Variants in HIBADH observed in about 807,000 individuals in gnomAD.
HIBADH encodes the protein 3-hydroxyisobutyrate dehydrogenase, mitochondrial.
In HIBADH, 25 loss-of-function variants were observed where a neutral mutation model predicts 36.1. That is an observed-to-expected ratio of 0.69 (90% CI 0.50 to 0.97). The LOEUF (loss-of-function observed/expected upper bound fraction) is 0.97, where lower values mean the gene tolerates loss of function less well. Ranked by LOEUF, HIBADH falls within the 50% of genes least tolerant of loss-of-function variation. The pLI, the probability that HIBADH is intolerant of heterozygous loss-of-function variation, is 0.00. For missense variants in HIBADH, 421 were observed against 418.0 expected, an observed-to-expected ratio of 1.01 and a Z score of -0.06; for synonymous variants, 160 against 149.5, an observed-to-expected ratio of 1.07 and a Z score of -0.51.
chr7:27,616,860 A>G (rs995887388), intron 4 of HIBADH, among the ~76,000 whole-genome samples: 1 of 152,190 alleles, frequency 6.6e-6, no homozygotes, highest in Non-Finnish European at 1.5e-5. Flanking sequence ...TCAGGAAAAA[A>G]TATTTTTGTA....
chr7:27,607,623 C>T (rs1053216680), intron 4 of HIBADH, among the ~76,000 whole-genome samples: 5 of 152,166 alleles, frequency 3.3e-5, no homozygotes, highest in Admixed American at 6.5e-5. Flanking sequence ...AACCTCACCT[C>T]TACCCAGGAT....
chr7:27,622,496 T>C (rs1475222477), intron 4 of HIBADH, among the ~76,000 whole-genome samples: 1 of 151,958 alleles, frequency 6.6e-6, no homozygotes, highest in Non-Finnish European at 1.5e-5. Flanking sequence ...AAACAAAAAT[T>C]TGGCTCTTCA....
chr7:27,560,698 A>G (rs1784451730), intron 4 of HIBADH, among the ~76,000 whole-genome samples: 1 of 152,204 alleles, frequency 6.6e-6, no homozygotes, highest in African/African-American at 2.4e-5. Flanking sequence ...CATTACGTGC[A>G]TATACCACAT....
rs760350852 is a variant in HIBADH at position 27,531,291 on chromosome 7, A to G, written c.753T>C (p.Cys251=). The change falls in exon 7 of 8, where the codon TGT becomes TGC. Residue 251 remains cysteine, a synonymous_variant. Transcript: ENST00000265395. ...AKILNMSSGR[C]WSSDTYNPVP... is the part of the protein sequence containing the mutation. ...CAGGATTATAAGTGTCACTTGACCA[A>G]CACCGTCCTGAGCTCATATTTAGGA... The G allele has an allele frequency of 2.5e-6, 4 of 1,614,002 alleles. No homozygotes were observed. The South Asian group carries it at 4.4e-5, about 18-fold the overall frequency.
intron 4 of HIBADH, among the ~76,000 whole-genome samples, chr7:27,552,803 G>C (rs1158386802): frequency 6.6e-6 from 1 of 152,198 alleles, no homozygotes; most frequent in Non-Finnish European, 1.5e-5. Context: ...ACAAGGAAAA[G>C]CTCATGATGG....
intron 5 of HIBADH, 102 bp from the exon 6 acceptor site, chr7:27,538,519 T>C (rs931591341): frequency 1.4e-5 from 13 of 926,682 alleles, no homozygotes; most frequent in Admixed American, 1.2e-4. Context: ...CTAAAAGAAA[T>C]AACATTCAAC....
At chr7:27,547,842 C>G (rs1562617252) in intron 4 of HIBADH, among the ~76,000 whole-genome samples, 2 of 151,838 alleles carry the variant, frequency 1.3e-5, no homozygotes, top group East Asian at 1.9e-4. Context: ...TTACTTTGCA[C>G]AAAAAAATTG....
chr7:27,632,459 T>G lies in HIBADH; in HGVS notation c.253-14A>C. ...GGAAGATACTACCTTTAAAAAAAAT[T>G]GCAAAGGCACATTATTTAAATTAAA... On this transcript the variant is annotated splice_polypyrimidine_tract_variant and intron_variant, in intron 2 of 7. Transcript: ENST00000265395. The G allele has an allele frequency of 6.4e-7, 1 of 1,558,480 alleles. No individual in the cohort carries two copies. The highest frequency in any genetic ancestry group is 8.8e-7 in the Non-Finnish European group (1 of 1,130,198).
At chr7:27,635,057 A>G (rs1381509822) in intron 2 of HIBADH, among the ~76,000 whole-genome samples, 1 of 145,572 alleles carries the variant, frequency 6.9e-6, no homozygotes, top group Non-Finnish European at 1.5e-5. Flanking sequence ...AATAACACAC[A>G]CTCTCTCTCT....
chr7:27,570,044 A>G (rs2128187942), intron 4 of HIBADH, among the ~76,000 whole-genome samples: 2 of 152,348 alleles, frequency 1.3e-5, no homozygotes, highest in Middle Eastern at 6.8e-3. Context: ...GCACAGTCCT[A>G]GGATTCATGC....
At chr7:27,552,977 C>T (rs1368467409) in intron 4 of HIBADH, among the ~76,000 whole-genome samples, 1 of 152,174 alleles carries the variant, frequency 6.6e-6, no homozygotes, top group Non-Finnish European at 1.5e-5. Flanking sequence ...AAGCAAGGGA[C>T]ATGCATCTAT....
intron 1 of HIBADH, among the ~76,000 whole-genome samples, chr7:27,652,778 T>C (rs1048327883): frequency 3.3e-5 from 5 of 152,054 alleles, no homozygotes; most frequent in Non-Finnish European, 7.4e-5. Flanking sequence ...AGGAGCTCTA[T>C]CCGCATGATC....
At chr7:27,579,037 G>A (rs995574877) in intron 4 of HIBADH, among the ~76,000 whole-genome samples, 1 of 152,178 alleles carries the variant, frequency 6.6e-6, no homozygotes, top group African/African-American at 2.4e-5. Flanking sequence ...CATGGGAACT[G>A]TTTTAGATTA....
chr7:27,537,907 AT>A (rs1784090302), intron 6 of HIBADH, among the ~76,000 whole-genome samples: 1 of 152,162 alleles, frequency 6.6e-6, no homozygotes, highest in Non-Finnish European at 1.5e-5. Context: ...TTGGGGGACT[AT>A]ATTTTTAAAA....
intron 4 of HIBADH, among the ~76,000 whole-genome samples, chr7:27,593,709 AAGAGGCAATAT>A (rs539778195): frequency 3.9e-5 from 6 of 152,166 alleles, no homozygotes; most frequent in Non-Finnish European, 8.8e-5. Flanking sequence ...AACTTACAAA[AAGAGGCAATAT>A]GATTTAGGAA....
chr7:27,660,252 T>C (rs1185693011), intron 1 of HIBADH, among the ~76,000 whole-genome samples: 1 of 152,260 alleles, frequency 6.6e-6, no homozygotes, highest in Non-Finnish European at 1.5e-5. Flanking sequence ...TTTTTCTTAA[T>C]GTCATTTGAC....
Position 27,616,068 on chromosome 7 carries a change from C to G in HIBADH, c.484+13303G>C, listed in dbSNP as rs75659361. ...TACACAAGAAGCATGGCACTAGCACCAATGCATTTTCTGAGGGCCTCAGGC... is the reference window on the plus strand; with the variant it reads ...TACACAAGAAGCATGGCACTAGCACGAATGCATTTTCTGAGGGCCTCAGGC... On this transcript the variant is annotated intron_variant, in intron 4 of 7. Coordinates refer to ENST00000265395, the MANE Select transcript of HIBADH (RefSeq NM_152740.4). Among the ~76,000 whole-genome samples, 19 of 152,282 alleles carry G rather than the reference C, an allele frequency of 1.2e-4. No individual in the cohort carries two copies. In the East Asian group the frequency reaches 3.1e-3, roughly 25 times the overall value.
At chr7:27,586,317 GT>G (rs1013932917) in intron 4 of HIBADH, among the ~76,000 whole-genome samples, 111 of 145,460 alleles carry the variant, frequency 7.6e-4, no homozygotes, top group African/African-American at 2.6e-3. Context: ...AGCAACTGCA[GT>G]GTAGAGCAAT....
At chr7:27,585,240 CGT>C (rs1330198289) in intron 4 of HIBADH, among the ~76,000 whole-genome samples, 1 of 145,630 alleles carries the variant, frequency 6.9e-6, no homozygotes, top group Non-Finnish European at 1.5e-5. Flanking sequence ...TGTGCACACA[CGT>C]GTGCATATAT....
Sources: gnomAD v4.1 joint callset for allele counts (sites outside exome capture counted in the v4.1 genomes callset) on GRCh38, gnomAD v4.1.1 for gene constraint, MANE v1.5 for transcripts, NCBI Gene and HGNC (gene_info 2026-07-23, HGNC 2026-07-21) for gene names.